Variants in ERICH1 observed in about 807,000 individuals in gnomAD.
ERICH1 encodes glutamate rich 1.
Under a neutral mutation model 39.6 loss-of-function variants are expected in ERICH1, and 56 were observed. The ratio of observed to expected loss-of-function variants is 1.41; its 90% CI spans 1.14 to 1.77. The LOEUF (loss-of-function observed/expected upper bound fraction) is 1.77. Among genes scored for constraint, ERICH1 ranks in the 40% most tolerant of loss-of-function variants. The probability of loss-of-function intolerance (pLI) is 0.00; values close to 1 mark genes in which losing one functional copy is unlikely to be tolerated. For missense variants in ERICH1, 826 were observed against 575.4 expected (o/e 1.44, Z -4.45); for synonymous variants, 313 against 223.6 (o/e 1.40, Z -3.57).
intron 3 of ERICH1, among the ~76,000 whole-genome samples, chr8:682,715 A>G (rs1806410404): frequency 6.6e-6 from 1 of 152,258 alleles, no homozygotes; most frequent in Non-Finnish European, 1.5e-5. Flanking sequence ...CTACTATTTG[A>G]CACCTACATT....
At chr8:661,425 G>A (rs1585099618), downstream of ERICH1, among the ~76,000 whole-genome samples, 1 of 152,126 alleles carries the variant, frequency 6.6e-6, no homozygotes, top group Non-Finnish European at 1.5e-5. Flanking sequence ...CAGGGTGCAA[G>A]CAGTACTGAC....
rs766656091 is a variant in ERICH1 at position 673,799 on chromosome 8, C to T, written c.553G>A (p.Gly185Ser). 12 of 1,614,092 alleles carry T rather than the reference C, an allele frequency of 7.4e-6. No homozygotes were observed. The highest frequency in any genetic ancestry group is 9.3e-6 in the Non-Finnish European group (11 of 1,180,058). ...TCGGGCTGGTACATGAAACTGACACCAGCAGCCTTTGCTGCCAAGCCGGCT... is the reference window on the plus strand; with the variant it reads ...TCGGGCTGGTACATGAAACTGACACTAGCAGCCTTTGCTGCCAAGCCGGCT... ...KAAGLAAKAA[G>S]VSFMYQPEDS... Residue 185 changes from glycine (G) to serine (S), a missense_variant, in exon 4 of 6, where the codon GGT becomes AGT. Physicochemically the swap from Gly to Ser is moderately conservative, Grantham distance 56. Transcript: ENST00000262109.
chr8:724,726 C>A (rs73178876), intron 1 of ERICH1, among the ~76,000 whole-genome samples: 21,791 of 152,210 alleles, frequency 0.14, 1,833 homozygotes, highest in Middle Eastern at 0.24. Context: ...TGGCTTTTTC[C>A]TTAGATAGGT....
chr8:670,943 G>A (rs1240703321), intron 4 of ERICH1, among the ~76,000 whole-genome samples: 1 of 142,950 alleles, frequency 7.0e-6, no homozygotes, highest in Non-Finnish European at 1.5e-5. Context: ...GGTCCCCCAG[G>A]CTCCAACCTC....
chr8:688,503 G>C (rs1703908), intron 3 of ERICH1, among the ~76,000 whole-genome samples: 34,997 of 151,222 alleles, frequency 0.23, 4,202 homozygotes, highest in East Asian at 0.43. Flanking sequence ...CAACGCCACG[G>C]CCCTCCTGGC....
At chr8:701,740 T>G (rs1001460590) in intron 2 of ERICH1, among the ~76,000 whole-genome samples, 5 of 152,186 alleles carry the variant, frequency 3.3e-5, no homozygotes, top group Admixed American at 2.6e-4. Flanking sequence ...ACTATGAAAT[T>G]AAAGATGATG....
At chr8:695,579 T>C (rs1810006929) in intron 2 of ERICH1, among the ~76,000 whole-genome samples, 1 of 54,164 alleles carries the variant, frequency 1.8e-5, no homozygotes, top group African/African-American at 7.6e-5. Flanking sequence ...AGCCTGCGCC[T>C]GTGCTGGCTC....
intron 3 of ERICH1, among the ~76,000 whole-genome samples, chr8:686,468 AAAAC>A (rs1292869554): frequency 1.3e-5 from 2 of 152,204 alleles, no homozygotes; most frequent in African/African-American, 2.4e-5. Context: ...AAAAAAAACA[AAAAC>A]AAAAACCATG....
intron 2 of ERICH1, among the ~76,000 whole-genome samples, chr8:712,222 T>C (rs1814894352): frequency 6.6e-6 from 1 of 152,230 alleles, no homozygotes; most frequent in African/African-American, 2.4e-5. Context: ...ATTGAATGTG[T>C]ATATCAAGTT....
intron 3 of ERICH1, among the ~76,000 whole-genome samples, chr8:627,977 G>A (rs1262947033): frequency 1.3e-5 from 2 of 152,170 alleles, no homozygotes; most frequent in African/African-American, 2.4e-5. Flanking sequence ...CCACAGTGCC[G>A]GACACTCCCA....
Position 673,936 on chromosome 8 carries a change from T to C in ERICH1, c.416A>G (p.Gln139Arg). Reference sequence around the variant, plus strand: ...AGATTTCTCCTGTAACAGACTCTGCTGTTTCTCTAATTCTGCTTGTTCTAT... The same window carrying C: ...AGATTTCTCCTGTAACAGACTCTGCCGTTTCTCTAATTCTGCTTGTTCTAT... ...VLIEQAELEKQQSLLQEKSQR... is the reference protein window; with the variant it reads ...VLIEQAELEKRQSLLQEKSQR... Residue 139 changes from glutamine to arginine, a missense_variant, in exon 4 of 6, where the codon CAG becomes CGG. Transcript: ENST00000262109. The C allele has an allele frequency of 6.2e-7, 1 of 1,612,638 alleles. No individual in the cohort carries two copies.
intron 2 of ERICH1, among the ~76,000 whole-genome samples, chr8:704,008 A>C (rs1379290457): frequency 6.6e-6 from 1 of 152,164 alleles, no homozygotes; most frequent in Non-Finnish European, 1.5e-5. Flanking sequence ...GTCCTAAGGG[A>C]GGAAAACTGC....
At chr8:714,879 C>G (rs1336496572) in intron 2 of ERICH1, among the ~76,000 whole-genome samples, 1 of 152,024 alleles carries the variant, frequency 6.6e-6, no homozygotes, top group African/African-American at 2.4e-5. Context: ...CCGTGTCTCT[C>G]GGTGGGATGT....
intron 3 of ERICH1, among the ~76,000 whole-genome samples, chr8:657,687 C>T (rs969180299): frequency 6.6e-6 from 1 of 151,266 alleles, no homozygotes; most frequent in African/African-American, 2.4e-5. Context: ...CAGCTGAACG[C>T]CAGGGGCGCC....
intron 3 of ERICH1, among the ~76,000 whole-genome samples, chr8:635,324 T>C (rs1210758195): frequency 6.6e-6 from 1 of 152,076 alleles, no homozygotes; most frequent in Non-Finnish European, 1.5e-5. Context: ...CCACACGGGT[T>C]TATCCGGGTA....
chr8:669,664 G>A (rs972104272), intron 4 of ERICH1, among the ~76,000 whole-genome samples: 3 of 152,208 alleles, frequency 2.0e-5, no homozygotes, highest in African/African-American at 2.4e-5. Context: ...TCAGGGCTAC[G>A]AACAGCAGCA....
intron 3 of ERICH1, among the ~76,000 whole-genome samples, chr8:682,074 G>C (rs1294885392): frequency 0.027 from 78 of 2,884 alleles, no homozygotes; most frequent in African/African-American, 0.098. Context: ...ACTTTTCCAT[G>C]ATGAGTAGGT....
In ERICH1 at chr8:652,202, G is replaced by A. The variant is rs1331388718; in HGVS notation, c.976+16396C>T. 5.5e-5 allele frequency among the ~76,000 whole-genome samples: 8 copies of A among 144,918 alleles called. No individual in the cohort carries two copies. In the East Asian group the frequency reaches 9.7e-4, roughly 18 times the overall value. ...CTGCACCCACGTGCCCTCTGAATCC[G>A]ACGCCTGAAGACCTTACTTCCGGTG... On this transcript the variant is annotated intron_variant, in intron 3 of 3. Coordinates refer to the ERICH1 transcript ENST00000522706.
At position 673,271 on chromosome 8, in the gene ERICH1, A is replaced by G; in HGVS notation, c.1063+18T>C. On this transcript the variant is annotated intron_variant, in intron 4 of 5. Coordinates refer to ENST00000262109, the MANE Select transcript of ERICH1 (RefSeq NM_207332.3). The stretch of plus-strand genomic sequence containing the variant: ...AAGTGGATGTCACTATGCAAGAGAA[A>G]AACAGTAAAAAACATACCGTCATAA... 1 of 1,580,014 alleles carries G rather than the reference A, an allele frequency of 6.3e-7. No individual in the cohort carries two copies. Among genetic ancestry groups the G allele is most frequent in the Non-Finnish European group, 8.6e-7 (1 of 1,158,648 alleles).
Sources: gnomAD v4.1 joint callset for allele counts (sites outside exome capture counted in the v4.1 genomes callset) on GRCh38, gnomAD v4.1.1 for gene constraint, MANE v1.5 for transcripts, NCBI Gene and HGNC (gene_info 2026-07-23, HGNC 2026-07-21) for gene names.